TENM3: variants seen among roughly 807,000 people sequenced by gnomAD.
TENM3 encodes teneurin transmembrane protein 3, also known as teneurin-3.
Under a neutral mutation model 255.1 loss-of-function variants are expected in TENM3, and 63 were observed. The observed-to-expected ratio is 0.25, with a 90% CI of 0.20 to 0.30. The LOEUF is 0.30. TENM3 is among the 10% of genes least tolerant of loss of function. The pLI, the probability that TENM3 is intolerant of heterozygous loss-of-function variation, is 1.00. For missense variants in TENM3, 2,929 were observed against 3,461.1 expected, an observed-to-expected ratio of 0.85 and a Z score of 3.86; for synonymous variants, 1,306 against 1,322.3, an observed-to-expected ratio of 0.99 and a Z score of 0.27.
intron 1 of TENM3, among the ~76,000 whole-genome samples, chr4:182,252,559 T>G (rs1252806102): frequency 6.6e-6 from 1 of 152,222 alleles, no homozygotes; most frequent in African/African-American, 2.4e-5. Context: ...CACTCAGACT[T>G]TCTTCATAGA....
chr4:181,582,352 C>T, the TENM3 span, among the ~76,000 whole-genome samples: 4 of 152,026 alleles, frequency 2.6e-5, no homozygotes, highest in Admixed American at 2.6e-4. Flanking sequence ...TCATCCTCTC[C>T]CACTCTGTCT....
At chr4:182,116,262 G>C in the TENM3 span, among the ~76,000 whole-genome samples, 3 of 152,142 alleles carry the variant, frequency 2.0e-5, no homozygotes, top group Non-Finnish European at 1.5e-5. Context: ...GCCTTTTCCA[G>C]AATGTCATAT....
chr4:182,699,931 A>G (rs1405306663), intron 12 of TENM3, among the ~76,000 whole-genome samples: 1 of 152,152 alleles, frequency 6.6e-6, no homozygotes, highest in Non-Finnish European at 1.5e-5. Flanking sequence ...AGAAATAAAG[A>G]TAGAAAATGC....
At chr4:182,204,245 G>T (rs1319539000) in intron 1 of TENM3, among the ~76,000 whole-genome samples, 1 of 152,174 alleles carries the variant, frequency 6.6e-6, no homozygotes, top group East Asian at 1.9e-4. Context: ...TCAAATGGTG[G>T]TGTTGCTTAT....
rs538309582 is a variant in TENM3 at position 182,587,534 on chromosome 4, G to A, written c.512-13390G>A. The stretch of plus-strand genomic sequence containing the variant: ...ACAGAGGTCGCAGTGAGCCAAGATC[G>A]CACCACTGCACTTCAGCCTGGCAAC... On this transcript the variant is annotated intron_variant, in intron 3 of 27. Coordinates refer to ENST00000511685, the MANE Select transcript of TENM3 (RefSeq NM_001080477.4). 6.6e-5 allele frequency among the ~76,000 whole-genome samples: 10 copies of A among 152,180 alleles called. No homozygotes were observed. The South Asian group carries it at 1.2e-3, about 19-fold the overall frequency.
At chr4:181,513,439 C>T in the TENM3 span, among the ~76,000 whole-genome samples, 29 of 152,190 alleles carry the variant, frequency 1.9e-4, no homozygotes, top group South Asian at 6.0e-3. Flanking sequence ...AACCGGAGGC[C>T]CTCAGGGTTT....
At chr4:181,656,268 C>T in the TENM3 span, among the ~76,000 whole-genome samples, 3 of 152,304 alleles carry the variant, frequency 2.0e-5, no homozygotes, top group South Asian at 4.2e-4. Context: ...AAGGATGACA[C>T]AGCAGCCTGA....
chr4:182,165,290 GATGCATTAGGGCTGAGATT>G (rs1751630363), intron 1 of TENM3, among the ~76,000 whole-genome samples: 1 of 152,150 alleles, frequency 6.6e-6, no homozygotes, highest in Non-Finnish European at 1.5e-5. Flanking sequence ...ATGTTGTAAG[GATGCATTAGGGCTGAGATT>G]ATGCATTATA....
At chr4:181,524,194 G>A in the TENM3 span, among the ~76,000 whole-genome samples, 1 of 152,122 alleles carries the variant, frequency 6.6e-6, no homozygotes, top group Non-Finnish European at 1.5e-5. Flanking sequence ...GTAGGAGTAT[G>A]GAATTTTTTT....
At chr4:181,611,372 G>A in the TENM3 span, among the ~76,000 whole-genome samples, 1 of 152,098 alleles carries the variant, frequency 6.6e-6, no homozygotes, top group South Asian at 2.1e-4. Context: ...TTTTAATCAT[G>A]GTGACTTTAC....
At chr4:181,848,587 A>T in the TENM3 span, among the ~76,000 whole-genome samples, 1 of 152,158 alleles carries the variant, frequency 6.6e-6, no homozygotes, top group African/African-American at 2.4e-5. Flanking sequence ...ACCGTGACAG[A>T]TGTCAATCAT....
At chr4:182,702,345 G>A (rs1282413232) in intron 12 of TENM3, among the ~76,000 whole-genome samples, 1 of 152,162 alleles carries the variant, frequency 6.6e-6, no homozygotes, top group Non-Finnish European at 1.5e-5. Context: ...AGTACAAGGG[G>A]CTTCTCCTGC....
chr4:182,220,385 A>C (rs1313498886), intron 1 of TENM3, among the ~76,000 whole-genome samples: 2 of 100,722 alleles, frequency 2.0e-5, no homozygotes, highest in African/African-American at 3.4e-5. Flanking sequence ...TCACAAAAAA[A>C]AAAAAAAAAA....
the TENM3 span, among the ~76,000 whole-genome samples, chr4:181,806,997 CT>C: frequency 2.6e-5 from 4 of 151,844 alleles, no homozygotes; most frequent in Admixed American, 2.6e-4. Context: ...ATTAGTCACT[CT>C]TAACTTTCAT....
chr4:181,805,686 C>T, the TENM3 span, among the ~76,000 whole-genome samples: 1 of 151,996 alleles, frequency 6.6e-6, no homozygotes, highest in Non-Finnish European at 1.5e-5. Flanking sequence ...CCTCAGTGCA[C>T]GTGTCACCCA....
At chr4:182,253,726 C>A (rs1417287687) in intron 1 of TENM3, among the ~76,000 whole-genome samples, 2 of 152,106 alleles carry the variant, frequency 1.3e-5, no homozygotes, top group East Asian at 3.9e-4. Flanking sequence ...TTGAAGCAAA[C>A]TTTTATCTTT....
chr4:181,471,546 C>A, the TENM3 span, among the ~76,000 whole-genome samples: 2 of 152,000 alleles, frequency 1.3e-5, no homozygotes, highest in African/African-American at 4.8e-5. Flanking sequence ...GAAACCAATA[C>A]AATTTTGAAC....
At chr4:181,727,361 GCTT>G in the TENM3 span, among the ~76,000 whole-genome samples, 7 of 152,118 alleles carry the variant, frequency 4.6e-5, no homozygotes, top group Non-Finnish European at 8.8e-5. Context: ...CACTTTTATT[GCTT>G]AGGAACTACT....
the TENM3 span, among the ~76,000 whole-genome samples, chr4:181,741,179 A>G: frequency 6.6e-6 from 1 of 152,234 alleles, no homozygotes. Flanking sequence ...TGAAATATCA[A>G]TAATAACATT....
Sources: allele counts gnomAD v4.1 joint callset (sites outside exome capture counted in the v4.1 genomes callset), GRCh38; gene constraint gnomAD v4.1.1; transcripts MANE v1.5; gene names NCBI Gene and HGNC (gene_info 2026-07-23, HGNC 2026-07-21).